Variants in SLCO1B1 observed in about 807,000 individuals in gnomAD.
SLCO1B1 encodes OATP-2.
A neutral mutation model predicts 70.1 loss-of-function variants in SLCO1B1; 81 were observed. The observed-to-expected ratio is 1.16, with a 90% confidence interval of 0.97 to 1.39. The LOEUF is 1.39. SLCO1B1 is among the 40% of genes most tolerant of loss of function. The pLI, the probability that SLCO1B1 is intolerant of heterozygous loss-of-function variation, is 0.00. For missense variants in SLCO1B1, 895 were observed against 799.6 expected, an observed-to-expected ratio of 1.12 and a Z score of -1.44; for synonymous variants, 283 against 271.5, an observed-to-expected ratio of 1.04 and a Z score of -0.42.
At position 21,197,092 on chromosome 12, in the gene SLCO1B1, G is replaced by A. The variant is rs1199217796; in HGVS notation, c.874G>A (p.Ala292Thr). 6.2e-7 allele frequency: 1 copy of A among 1,613,422 alleles called. No homozygotes were observed. Among genetic ancestry groups the A allele is most frequent in the African/African-American group, 1.3e-5 (1 of 74,802 alleles). The change falls in exon 8 of 15, where the codon GCT becomes ACT. Residue 292 changes from alanine (A) to threonine (T), a missense_variant. By Grantham distance (58) the Ala-to-Thr change is moderately conservative. Coordinates refer to ENST00000256958, the MANE Select transcript of SLCO1B1 (RefSeq NM_006446.5). ...AAATAAACCACAAAAAGAAAGAAAAGCTTCACTGTCTTTGCATGTGCTGGA... is the reference window on the plus strand; with the variant it reads ...AAATAAACCACAAAAAGAAAGAAAAACTTCACTGTCTTTGCATGTGCTGGA... ...TPNKPQKERK[A>T]SLSLHVLETN...
chr12:21,135,928 C>G (rs997431719), intron 1 of SLCO1B1, among the ~76,000 whole-genome samples: 4 of 152,120 alleles, frequency 2.6e-5, no homozygotes, highest in African/African-American at 9.7e-5. Flanking sequence ...TCTTCCTAGC[C>G]TTGATGGTCT....
In SLCO1B1 at chr12:21,186,464, T is replaced by C. The variant is rs79268502; in HGVS notation, c.727+7444T>C. The stretch of plus-strand genomic sequence containing the variant: ...GATTCTTGTGCGTTTTTATACTGTT[T>C]AGTGCAATACTGTCAACTTTGAATA... On this transcript the variant is annotated intron_variant, in intron 7 of 14. Coordinates refer to ENST00000256958, the MANE Select transcript of SLCO1B1 (RefSeq NM_006446.5). Among the ~76,000 whole-genome samples the C allele has an allele frequency of 0.022, 3,410 of 152,190 alleles. 339 individuals are homozygous for C. In the East Asian group the frequency reaches 0.33, roughly 15 times the overall value.
chr12:21,159,371 A>C (rs903817435), intron 2 of SLCO1B1, among the ~76,000 whole-genome samples: 1 of 152,158 alleles, frequency 6.6e-6, no homozygotes, highest in Non-Finnish European at 1.5e-5. Flanking sequence ...TAGAAAAATT[A>C]TTTTAATACA....
intron 13 of SLCO1B1, among the ~76,000 whole-genome samples, chr12:21,223,445 C>T (rs182004570): frequency 9.9e-5 from 15 of 152,180 alleles, no homozygotes; most frequent in Non-Finnish European, 2.9e-5. Flanking sequence ...TTACTTAAAA[C>T]AATCCATTAC....
chr12:21,197,494 G>A (rs1373248839), intron 8 of SLCO1B1, among the ~76,000 whole-genome samples: 1 of 152,024 alleles, frequency 6.6e-6, no homozygotes, highest in East Asian at 1.9e-4. Flanking sequence ...TCTAAACTGG[G>A]AGAGTTCAAA....
chr12:21,236,086 C>T (rs1471098672), intron 14 of SLCO1B1, among the ~76,000 whole-genome samples: 2 of 152,058 alleles, frequency 1.3e-5, no homozygotes, highest in Non-Finnish European at 2.9e-5. Flanking sequence ...TATAGTATCT[C>T]ATACACTGTT....
At position 21,222,360 on chromosome 12, in the gene SLCO1B1, AC is replaced by A. The variant is rs771622519; in HGVS notation, c.1744del (p.Leu582Ter). 1.7e-6 allele frequency: 1 copy of A among 587,918 alleles called. No individual in the cohort carries two copies. The highest frequency in any genetic ancestry group is 2.3e-5 in the African/African-American group (1 of 43,226). The allele number at this position is 587,918 out of a possible 1,614,324, so 36.4% of individuals were successfully genotyped here. On this transcript the variant is annotated frameshift_variant, in exon 13 of 15. Transcript: ENST00000256958. LOFTEE classifies it high-confidence loss of function. The part of the protein sequence containing the change: ...LGFHSMVIRA[L>X]GGILAPIYFG... Reference sequence around the variant, plus strand: ...GTTTCCACTCAATGGTTATACGAGCACTAGGTATGATGAAAAAAAAAAAAAA... The same window carrying A: ...GTTTCCACTCAATGGTTATACGAGCATAGGTATGATGAAAAAAAAAAAAAA...
intron 7 of SLCO1B1, among the ~76,000 whole-genome samples, chr12:21,192,366 A>T (rs903120421): frequency 7.3e-5 from 11 of 151,326 alleles, no homozygotes; most frequent in African/African-American, 2.7e-4. Flanking sequence ...TTCTTATCTA[A>T]TTTTTGATGT....
At chr12:21,214,335 T>C (rs1475568789) in intron 11 of SLCO1B1, among the ~76,000 whole-genome samples, 1 of 151,050 alleles carries the variant, frequency 6.6e-6, no homozygotes, top group African/African-American at 2.5e-5. Context: ...GAGGTGTCAG[T>C]GTGCCCCTGC....
intron 2 of SLCO1B1, among the ~76,000 whole-genome samples, chr12:21,168,773 T>C (rs1287339134): frequency 1.3e-5 from 2 of 152,202 alleles, no homozygotes; most frequent in Admixed American, 1.3e-4. Context: ...CCATATATTC[T>C]AGATATTAAC....
In SLCO1B1 at chr12:21,206,051, C is replaced by A; in HGVS notation, c.1497+18C>A. The A allele has an allele frequency of 1.3e-6, 2 of 1,597,720 alleles. No homozygotes were observed. Among genetic ancestry groups the A allele is most frequent in the Non-Finnish European group, 1.7e-6 (2 of 1,165,848 alleles). On this transcript the variant is annotated intron_variant, in intron 11 of 14. Coordinates refer to ENST00000256958, the MANE Select transcript of SLCO1B1 (RefSeq NM_006446.5). ...AGCCTATAGTGAGTATTAGTTTTTA[C>A]TTTCCTCTCCTTATTCAAAAGCACA...
At chr12:21,161,509 G>A (rs1368353017) in intron 2 of SLCO1B1, among the ~76,000 whole-genome samples, 1 of 152,112 alleles carries the variant, frequency 6.6e-6, no homozygotes, top group Non-Finnish European at 1.5e-5. Context: ...GGGTCTAGCT[G>A]AGGTTGGAGG....
intron 1 of SLCO1B1, among the ~76,000 whole-genome samples, chr12:21,137,857 T>C (rs1426601160): frequency 6.6e-6 from 1 of 152,094 alleles, no homozygotes; most frequent in Non-Finnish European, 1.5e-5. Flanking sequence ...GCACCTACTG[T>C]CTGGCACTCC....
intron 1 of SLCO1B1, among the ~76,000 whole-genome samples, chr12:21,131,676 A>C (rs927002699): frequency 6.3e-5 from 9 of 142,698 alleles, no homozygotes; most frequent in African/African-American, 1.2e-4. Context: ...GGAAGAGTTA[A>C]TTGGCAAACA....
intron 4 of SLCO1B1, among the ~76,000 whole-genome samples, chr12:21,175,020 G>C (rs1240072820): frequency 6.6e-6 from 1 of 151,894 alleles, no homozygotes; most frequent in African/African-American, 2.4e-5. Context: ...TTTTTTATAA[G>C]ACCTCAACAC....
At position 21,197,197 on chromosome 12, in the gene SLCO1B1, T is replaced by C; in HGVS notation, c.970+9T>C. On this transcript the variant is annotated intron_variant, in intron 8 of 14. Coordinates refer to ENST00000256958, the MANE Select transcript of SLCO1B1 (RefSeq NM_006446.5). ...TACCAAAAATGTGACTGGTAAGTAT[T>C]TAACATTCATTGTCAATTTGGAGTT... 6.2e-7 allele frequency: 1 copy of C among 1,612,266 alleles called. No homozygotes were observed.
rs374904388 is a variant in SLCO1B1 at position 21,178,552 on chromosome 12, T to C, written c.482-24T>C. ...GAAATGCTAAAATTAATGTTTAAAA[T>C]GAAACACTCTCTTATCTACATAGGT... On this transcript the variant is annotated intron_variant, in intron 5 of 14. Coordinates refer to ENST00000256958, the MANE Select transcript of SLCO1B1 (RefSeq NM_006446.5). The C allele has an allele frequency of 1.9e-6, 3 of 1,546,820 alleles. No homozygotes were observed. In the African/African-American group the frequency reaches 4.1e-5, roughly 21 times the overall value.
chr12:21,239,752 C>T lies in SLCO1B1; in HGVS notation c.*563C>T, dbSNP rs1565447796. ...ATCTTGTTTAAGTAAATTTAGAATACATTTAAGTATTGTGGAAGAAATAAA... is the reference window on the plus strand; with the variant it reads ...ATCTTGTTTAAGTAAATTTAGAATATATTTAAGTATTGTGGAAGAAATAAA... On this transcript the variant is annotated 3_prime_UTR_variant, in exon 15 of 15. Coordinates refer to ENST00000256958, the MANE Select transcript of SLCO1B1 (RefSeq NM_006446.5). 1.3e-5 allele frequency among the ~76,000 whole-genome samples: 2 copies of T among 152,080 alleles called. No individual in the cohort carries two copies. The highest frequency in any genetic ancestry group is 6.6e-5 in the Admixed American group (1 of 15,262).
rs559710174 is a variant in SLCO1B1, at chr12:21,138,450, T to C, written c.-61-3064T>C. On this transcript the variant is annotated intron_variant, in intron 1 of 14. Transcript: ENST00000256958. ...AAAATATGTTCAGAGAAAAATATGT[T>C]AAATGTCAAGGTGAATTAGAAAGTG... 9.2e-5 allele frequency among the ~76,000 whole-genome samples: 14 copies of C among 152,358 alleles called. No individual in the cohort carries two copies. In the East Asian group the frequency reaches 2.7e-3, roughly 29 times the overall value.
Sources: allele counts gnomAD v4.1 joint callset (sites outside exome capture counted in the v4.1 genomes callset), GRCh38; gene constraint gnomAD v4.1.1; transcripts MANE v1.5; gene names NCBI Gene and HGNC (gene_info 2026-07-23, HGNC 2026-07-21).